The following NELL1 variants were observed in gnomAD, a reference collection of about 807,000 sequenced individuals.
The protein encoded by NELL1 is neural EGFL like 1.
In NELL1, 76 loss-of-function variants were observed where a neutral mutation model predicts 107.4. The ratio of observed to expected loss-of-function variants is 0.71; its 90% CI spans 0.59 to 0.86. The LOEUF (loss-of-function observed/expected upper bound fraction) is 0.86. Ranked by LOEUF, NELL1 falls within the 40% of genes least tolerant of loss-of-function variation. The probability of loss-of-function intolerance (pLI) is 0.00; values close to 1 mark genes in which losing one functional copy is unlikely to be tolerated. For missense variants in NELL1, 1,024 were observed against 1,005.5 expected, an observed-to-expected ratio of 1.02 and a Z score of -0.25; for synonymous variants, 353 against 341.2, an observed-to-expected ratio of 1.03 and a Z score of -0.38.
intron 16 of NELL1, among the ~76,000 whole-genome samples, chr11:21,549,243 A>G (rs1189147775): frequency 6.6e-6 from 1 of 151,984 alleles, no homozygotes; most frequent in East Asian, 2.0e-4. Flanking sequence ...TGCAAGGACA[A>G]ATTAGATCAT....
chr11:21,478,963 A>G (rs915662463), intron 15 of NELL1, among the ~76,000 whole-genome samples: 3 of 152,188 alleles, frequency 2.0e-5, no homozygotes, highest in African/African-American at 7.2e-5. Context: ...GATCATCAGA[A>G]TAATGCAAAT....
chr11:20,996,235 A>G (rs567428863), intron 12 of NELL1, among the ~76,000 whole-genome samples: 69 of 152,282 alleles, frequency 4.5e-4, no homozygotes, highest in African/African-American at 1.5e-3. Context: ...TTCAAAGTTT[A>G]AAGCTTCCTC....
chr11:21,097,059 C>A (rs973455794), intron 12 of NELL1, among the ~76,000 whole-genome samples: 2 of 152,068 alleles, frequency 1.3e-5, no homozygotes, highest in Admixed American at 6.6e-5. Flanking sequence ...CTACTCTACT[C>A]CTAAAATCAT....
At chr11:21,299,133 A>C (rs1849437943) in intron 14 of NELL1, among the ~76,000 whole-genome samples, 1 of 152,046 alleles carries the variant, frequency 6.6e-6, no homozygotes, top group Non-Finnish European at 1.5e-5. Flanking sequence ...GTCTATGGGA[A>C]GTCATCTATT....
chr11:21,070,197 A>G (rs1182845466), intron 12 of NELL1, among the ~76,000 whole-genome samples: 1 of 152,076 alleles, frequency 6.6e-6, no homozygotes, highest in Non-Finnish European at 1.5e-5. Flanking sequence ...CCTTGTACTA[A>G]ATTAAATGAG....
chr11:21,165,662 G>A (rs1856463489), intron 13 of NELL1, among the ~76,000 whole-genome samples: 2 of 149,344 alleles, frequency 1.3e-5, no homozygotes, highest in South Asian at 2.1e-4. Flanking sequence ...CCAAGATTTG[G>A]AAGATACCTA....
At chr11:21,291,046 A>G (rs1210848413) in intron 14 of NELL1, among the ~76,000 whole-genome samples, 2 of 152,186 alleles carry the variant, frequency 1.3e-5, no homozygotes, top group Admixed American at 1.3e-4. Flanking sequence ...AAACTCTCTG[A>G]GCTAAAGGAG....
chr11:20,939,715 C>T (rs1850808437), intron 10 of NELL1, among the ~76,000 whole-genome samples: 1 of 152,062 alleles, frequency 6.6e-6, no homozygotes, highest in South Asian at 2.1e-4. Flanking sequence ...GGAAGGGAGA[C>T]TGGATCAGAA....
At position 20,847,740 on chromosome 11, in the gene NELL1, G is replaced by A. The variant is rs747197271; in HGVS notation, c.493G>A (p.Val165Ile). ...TAGCGCCTCTCATCTCCTGCTCCAT[G>A]TCGACTGTAACAGGTATTTCTTTGT... ...SVSASHLLLH[V>I]DCNRIYERVI... The change falls in exon 4 of 20, where the codon GTC becomes ATC. Residue 165 changes from valine (V) to isoleucine (I), a missense_variant. By Grantham distance (29) the Val-to-Ile change is conservative. Transcript: ENST00000357134. 1 of 1,611,510 alleles carries A rather than the reference G, an allele frequency of 6.2e-7. No individual in the cohort carries two copies. The highest frequency in any genetic ancestry group is 8.5e-7 in the Non-Finnish European group (1 of 1,178,808).
chr11:20,749,607 A>G (rs1221160489), intron 2 of NELL1, among the ~76,000 whole-genome samples: 1 of 152,152 alleles, frequency 6.6e-6, no homozygotes, highest in Non-Finnish European at 1.5e-5. Context: ...TCTCAAAAAT[A>G]ACTAAATAAA....
At chr11:20,729,134 TGA>T (rs56822692) in intron 2 of NELL1, among the ~76,000 whole-genome samples, 16,972 of 42,920 alleles carry the variant, frequency 0.4, 1,078 homozygotes, top group Non-Finnish European at 0.54. Flanking sequence ...AAAATGCTAC[TGA>T]TTTTTTTTTA....
intron 12 of NELL1, among the ~76,000 whole-genome samples, chr11:21,067,773 C>T (rs1853911961): frequency 6.6e-6 from 1 of 152,048 alleles, no homozygotes; most frequent in African/African-American, 2.4e-5. Flanking sequence ...TGGCTCACGC[C>T]TGTAATCCCA....
At chr11:21,506,956 A>C (rs1855296363) in intron 15 of NELL1, among the ~76,000 whole-genome samples, 1 of 152,174 alleles carries the variant, frequency 6.6e-6, no homozygotes, top group Admixed American at 6.5e-5. Flanking sequence ...ATTACATCAT[A>C]TATTGGATGC....
chr11:20,991,764 G>A (rs1191116268), intron 12 of NELL1, among the ~76,000 whole-genome samples: 1 of 152,134 alleles, frequency 6.6e-6, no homozygotes, highest in Non-Finnish European at 1.5e-5. Context: ...AACGATACTC[G>A]CTAGTCCACA....
chr11:21,451,185 TAAAAAAAAAAAAAAAAAG>T (rs1213725583), intron 15 of NELL1, among the ~76,000 whole-genome samples: 7 of 101,626 alleles, frequency 6.9e-5, no homozygotes, highest in South Asian at 6.6e-4. Flanking sequence ...AGACTCCGTC[TAAAAAAAAAAAAAAAAAG>T]AAAAAAAAAA....
intron 14 of NELL1, among the ~76,000 whole-genome samples, chr11:21,289,910 C>T (rs560573636): frequency 1.1e-4 from 16 of 152,038 alleles, no homozygotes; most frequent in Non-Finnish European, 1.9e-4. Flanking sequence ...ACCACAGCTC[C>T]GAAAAGCCAC....
intron 12 of NELL1, among the ~76,000 whole-genome samples, chr11:21,051,377 C>G (rs1475053705): frequency 6.6e-6 from 1 of 152,022 alleles, no homozygotes; most frequent in Non-Finnish European, 1.5e-5. Flanking sequence ...ACTTTTGGAA[C>G]TCAGGAGAAA....
At chr11:21,348,771 G>A (rs1486153224) in intron 14 of NELL1, among the ~76,000 whole-genome samples, 1 of 152,126 alleles carries the variant, frequency 6.6e-6, no homozygotes, top group East Asian at 1.9e-4. Flanking sequence ...AAGTCTTGAA[G>A]GCTGAATTGA....
chr11:21,451,203 GA>G (rs1235279037), intron 15 of NELL1, among the ~76,000 whole-genome samples: 3 of 113,908 alleles, frequency 2.6e-5, no homozygotes, highest in East Asian at 4.9e-4. Context: ...AAAAAAAAAA[GA>G]AAAAAAAAAG....
Sources: gnomAD v4.1 joint callset for allele counts (sites outside exome capture counted in the v4.1 genomes callset) on GRCh38, gnomAD v4.1.1 for gene constraint, MANE v1.5 for transcripts, NCBI Gene and HGNC (gene_info 2026-07-23, HGNC 2026-07-21) for gene names.